COLEC12: variants seen among roughly 807,000 people sequenced by gnomAD.
COLEC12 encodes collectin subfamily member 12.
Under a neutral mutation model 71.1 loss-of-function variants are expected in COLEC12, and 33 were observed. The observed-to-expected ratio is 0.46, with a 90% confidence interval of 0.35 to 0.62. The LOEUF (loss-of-function observed/expected upper bound fraction) is 0.62. COLEC12 is among the 20% of genes least tolerant of loss of function. The pLI is 0.00. For missense variants in COLEC12, 765 were observed against 916.1 expected, an observed-to-expected ratio of 0.84 and a Z score of 2.13; for synonymous variants, 350 against 353.0, an observed-to-expected ratio of 0.99 and a Z score of 0.10.
intron 2 of COLEC12, among the ~76,000 whole-genome samples, chr18:440,735 T>A (rs959854077): frequency 6.6e-6 from 1 of 152,186 alleles, no homozygotes; most frequent in African/African-American, 2.4e-5. Flanking sequence ...TACTAATACC[T>A]TACATTTGTA....
intron 2 of COLEC12, among the ~76,000 whole-genome samples, chr18:360,178 C>CTTTTTTTTTTTTTTTT (rs778619867): frequency 7.1e-6 from 1 of 141,614 alleles, no homozygotes. Context: ...ATTTGGATTT[C>CTTTTTTTTTTTTTTTT]TTTTTTTTTT....
At chr18:440,491 T>C (rs1916497610) in intron 2 of COLEC12, among the ~76,000 whole-genome samples, 1 of 152,190 alleles carries the variant, frequency 6.6e-6, no homozygotes, top group Non-Finnish European at 1.5e-5. Context: ...TTGTATACTT[T>C]AAATATGTAC....
intron 2 of COLEC12, among the ~76,000 whole-genome samples, chr18:439,165 A>C (rs1916463850): frequency 6.6e-6 from 1 of 152,202 alleles, no homozygotes; most frequent in Admixed American, 6.5e-5. Flanking sequence ...TTCCTTGTTC[A>C]AACTTTCACA....
chr18:347,902 AT>A (rs1429468522), intron 4 of COLEC12, among the ~76,000 whole-genome samples, 162 bp downstream of exon 4: 1 of 152,202 alleles, frequency 6.6e-6, no homozygotes, highest in Non-Finnish European at 1.5e-5. Flanking sequence ...TAACTTTAAA[AT>A]TTAAGCATTT....
intron 2 of COLEC12, among the ~76,000 whole-genome samples, chr18:394,366 G>A (rs12454569): frequency 1.3e-5 from 2 of 152,258 alleles, no homozygotes; most frequent in East Asian, 3.9e-4. Flanking sequence ...AGAGGGGGCT[G>A]GAAGTGGGAA....
rs577852654 is a variant in COLEC12, at chr18:460,292, C to T, written c.58+20415G>A. On this transcript the variant is annotated intron_variant, in intron 2 of 9. Transcript: ENST00000400256. ...CCAGAATTCTTCATTTACTACACGC[C>T]TAAGGTTTTATGGACTTTGTGTCAC... 2.6e-5 allele frequency among the ~76,000 whole-genome samples: 4 copies of T among 152,200 alleles called. No homozygotes were observed. The South Asian group carries it at 8.3e-4, about 32-fold the overall frequency.
At position 346,239 on chromosome 18, in the gene COLEC12, C is replaced by T. The variant is rs1429504314; in HGVS notation, c.1327+56G>A. The T allele has an allele frequency of 1.5e-6, 2 of 1,301,308 alleles. No homozygotes were observed. The highest frequency in any genetic ancestry group is 1.5e-5 in the African/African-American group (1 of 67,628). The allele number at this position is 1,301,308 out of a possible 1,614,324, so 80.6% of individuals were successfully genotyped here. On this transcript the variant is annotated intron_variant, in intron 5 of 9. Transcript: ENST00000400256. This position sits in a 1 kb window ranked among gnomAD's most constrained non-coding sequence, Gnocchi z 4.0. ...TTTAAATTGCCAAGTTTTAGAGTAA[C>T]TTGTTATGCAGCAATAAACAACTAA...
intron 5 of COLEC12, among the ~76,000 whole-genome samples, chr18:337,522 G>A (rs1914145803): frequency 6.6e-6 from 1 of 152,140 alleles, no homozygotes; most frequent in Admixed American, 6.5e-5. Flanking sequence ...CTCTTCCAGT[G>A]GTAAAGAGAG....
At chr18:478,557 G>A (rs1282873729) in intron 2 of COLEC12, among the ~76,000 whole-genome samples, 1 of 152,160 alleles carries the variant, frequency 6.6e-6, no homozygotes, top group Admixed American at 6.5e-5. Flanking sequence ...AGGTTACAGT[G>A]AGCTACGATT....
intron 3 of COLEC12, among the ~76,000 whole-genome samples, chr18:355,618 C>T (rs1914614795): frequency 6.6e-6 from 1 of 152,122 alleles, no homozygotes; most frequent in African/African-American, 2.4e-5. Flanking sequence ...TATATATTTG[C>T]CAAACCACTC....
chr18:340,996 TTGTTTGGGGAAG>T (rs1372177260), intron 5 of COLEC12, among the ~76,000 whole-genome samples: 1 of 152,184 alleles, frequency 6.6e-6, no homozygotes, highest in East Asian at 1.9e-4. Flanking sequence ...TCATGCCGTC[TTGTTTGGGGAAG>T]TGTAGCATGA....
intron 1 of COLEC12, among the ~76,000 whole-genome samples, chr18:489,321 C>G (rs1346062512): frequency 6.6e-6 from 1 of 152,102 alleles, no homozygotes; most frequent in African/African-American, 2.4e-5. Flanking sequence ...CTTTGCAGAC[C>G]AGCAGAATCC....
rs961877994 is a variant in COLEC12, at chr18:317,560, A to G, written c.*2485T>C. The G allele has an allele frequency of 1.3e-5, 2 of 152,250 alleles. No individual in the cohort carries two copies. Among genetic ancestry groups the G allele is most frequent in the Non-Finnish European group, 2.9e-5 (2 of 68,062 alleles). The allele number at this position is 152,250 out of a possible 1,614,324, so 9.4% of individuals were successfully genotyped here. ...GGACTTGGACCAGTGCCTGATAAAT[A>G]ATAAGCACTTGGTAAGTTATTATTA... is the stretch of plus-strand genomic sequence containing the variant. On this transcript the variant is annotated 3_prime_UTR_variant, in exon 10 of 10. Coordinates refer to ENST00000400256, the MANE Select transcript of COLEC12 (RefSeq NM_130386.3).
At chr18:431,554 A>G (rs1445797762) in intron 2 of COLEC12, among the ~76,000 whole-genome samples, 2 of 152,206 alleles carry the variant, frequency 1.3e-5, no homozygotes, top group African/African-American at 4.8e-5. Flanking sequence ...TGAGGTGTTT[A>G]GTCTGGGCAA....
intron 4 of COLEC12, 71 bp downstream of exon 4, chr18:347,994 A>G (rs1914423080): frequency 9.8e-7 from 1 of 1,023,820 alleles, no homozygotes; most frequent in Non-Finnish European, 1.5e-6. Context: ...TTATAGCAAC[A>G]TCATTCTAAG....
intron 2 of COLEC12, among the ~76,000 whole-genome samples, chr18:392,152 C>A (rs1424871387): frequency 6.6e-6 from 1 of 152,132 alleles, no homozygotes; most frequent in Non-Finnish European, 1.5e-5. Context: ...CAAATGGATG[C>A]TTTTTTCTAA....
In COLEC12 at chr18:399,935, A is replaced by C. The variant is rs968429994; in HGVS notation, c.59-42413T>G. ...TTGATCCTCAGACAACGCTTGTTAA[A>C]GGGTGGTGGGGGCGGGTGGGGGATA... On this transcript the variant is annotated intron_variant, in intron 2 of 9. Coordinates refer to ENST00000400256, the MANE Select transcript of COLEC12 (RefSeq NM_130386.3). This position sits in a 1 kb window ranked among gnomAD's most constrained non-coding sequence, Gnocchi z 4.0. 1.4e-5 allele frequency among the ~76,000 whole-genome samples: 2 copies of C among 146,866 alleles called. No individual in the cohort carries two copies. Among genetic ancestry groups the C allele is most frequent in the African/African-American group, 2.5e-5 (1 of 40,452 alleles).
intron 2 of COLEC12, among the ~76,000 whole-genome samples, chr18:421,411 C>T (rs868554342): frequency 2.0e-4 from 30 of 152,074 alleles, no homozygotes; most frequent in Non-Finnish European, 1.6e-4. Flanking sequence ...ACAGTACAAA[C>T]AAGTGAGTTG....
chr18:382,014 C>G (rs35157421), intron 2 of COLEC12, among the ~76,000 whole-genome samples: 44,536 of 151,776 alleles, frequency 0.29, 7,391 homozygotes, highest in East Asian at 0.43. Context: ...AAAAAAAAGA[C>G]TTACTGCAAC....
Sources: allele counts gnomAD v4.1 joint callset (sites outside exome capture counted in the v4.1 genomes callset), GRCh38; gene constraint gnomAD v4.1.1; non-coding constraint Gnocchi (gnomAD v3.1); transcripts MANE v1.5; gene names NCBI Gene and HGNC (gene_info 2026-07-23, HGNC 2026-07-21).